The following TTC39C variants were observed in gnomAD, a reference collection of about 807,000 sequenced individuals.
The protein encoded by TTC39C is tetratricopeptide repeat protein 39C.
A neutral mutation model predicts 76.3 loss-of-function variants in TTC39C; 33 were observed. The observed-to-expected ratio is 0.43, with a 90% confidence interval of 0.33 to 0.58. The LOEUF (loss-of-function observed/expected upper bound fraction) is 0.58. Among genes scored for constraint, TTC39C ranks in the 20% least tolerant of loss-of-function variants. The pLI, the probability that TTC39C is intolerant of heterozygous loss-of-function variation, is 0.04. For synonymous variants in TTC39C, 254 were observed against 260.6 expected, an observed-to-expected ratio of 0.97 and a Z score of 0.24; for missense variants, 595 against 701.4, an observed-to-expected ratio of 0.85 and a Z score of 1.71.
At chr18:24,098,093 C>T (rs184911296) in intron 6 of TTC39C, among the ~76,000 whole-genome samples, 6 of 152,104 alleles carry the variant, frequency 3.9e-5, no homozygotes, top group Admixed American at 3.9e-4. Context: ...TCCACTTGTT[C>T]TCTCACATAT....
intron 1 of TTC39C, chr18:23,994,609 C>T (rs2083245889): frequency 6.6e-6 from 1 of 152,196 alleles, no homozygotes; most frequent in Non-Finnish European, 1.5e-5. Flanking sequence ...TTAGGTATTA[C>T]CAGTTGGCCC....
chr18:24,064,278 A>T lies in TTC39C; in HGVS notation c.216+90A>T, dbSNP rs2298596. On this transcript the variant is annotated intron_variant, in intron 2 of 13. Coordinates refer to ENST00000317571, the MANE Select transcript of TTC39C (RefSeq NM_001135993.2). Reference sequence around the variant, plus strand: ...TGGCTACCAGTTGTATAGATACACTATTGTAGAAAGTCTTTTAGAGTTTAA... The same window carrying T: ...TGGCTACCAGTTGTATAGATACACTTTTGTAGAAAGTCTTTTAGAGTTTAA... 20,442 of 1,443,922 alleles carry T rather than the reference A, an allele frequency of 0.014. 1,004 individuals are homozygous for T. In the East Asian group the frequency reaches 0.19, roughly 13 times the overall value. The allele number at this position is 1,443,922 out of a possible 1,614,324, so 89.4% of individuals were successfully genotyped here.
At chr18:24,044,821 T>A (rs760319077) in intron 1 of TTC39C, among the ~76,000 whole-genome samples, 2 of 152,220 alleles carry the variant, frequency 1.3e-5, no homozygotes, top group Non-Finnish European at 2.9e-5. Flanking sequence ...GAAAGATTTA[T>A]GTCATTTTAG....
rs374784786 is a variant in TTC39C at position 24,048,372 on chromosome 18, G to A, written c.168-15768G>A. Among the ~76,000 whole-genome samples, 32 of 152,286 alleles carry A rather than the reference G, an allele frequency of 2.1e-4. 1 individual carries two copies. In the East Asian group the frequency reaches 5.0e-3, roughly 24 times the overall value. ...GGACTCGTGAGAATGAACTGATTTT[G>A]TTAAAATTTAAATTTTAAATACCCT... On this transcript the variant is annotated intron_variant, in intron 1 of 13. Coordinates refer to ENST00000317571, the MANE Select transcript of TTC39C (RefSeq NM_001135993.2).
intron 1 of TTC39C, among the ~76,000 whole-genome samples, chr18:24,052,985 T>C (rs541751683): frequency 6.6e-6 from 1 of 152,188 alleles, no homozygotes; most frequent in Non-Finnish European, 1.5e-5. Context: ...TATTTTATAA[T>C]CTGATTTGTA....
intron 6 of TTC39C, among the ~76,000 whole-genome samples, chr18:24,102,387 A>G (rs1188807659): frequency 6.6e-6 from 1 of 152,264 alleles, no homozygotes; most frequent in African/African-American, 2.4e-5. Flanking sequence ...TACATAATCA[A>G]GTATTTATTG....
chr18:24,031,745 C>T (rs1384082992), intron 1 of TTC39C, among the ~76,000 whole-genome samples: 1 of 152,116 alleles, frequency 6.6e-6, no homozygotes, highest in African/African-American at 2.4e-5. Flanking sequence ...TTGCATGCCT[C>T]GCCACTAAAA....
In TTC39C at chr18:24,082,895, C is replaced by T; in HGVS notation, c.816-18C>T. 6.4e-7 allele frequency: 1 copy of T among 1,560,758 alleles called. No homozygotes were observed. The highest frequency in any genetic ancestry group is 8.7e-7 in the Non-Finnish European group (1 of 1,150,012). Reference sequence around the variant, plus strand: ...AGGAAAGTTAATGTGCTCAATGTTTCTCTCCCTCTTCCTCTAGATTAGCTC... The same window carrying T: ...AGGAAAGTTAATGTGCTCAATGTTTTTCTCCCTCTTCCTCTAGATTAGCTC... On this transcript the variant is annotated intron_variant, in intron 5 of 13. Transcript: ENST00000317571.
intron 6 of TTC39C, chr18:24,113,348 G>C (rs1297674816): frequency 3.7e-6 from 2 of 543,938 alleles, no homozygotes; most frequent in Non-Finnish European, 6.5e-6. Context: ...GCCTCCTGCA[G>C]TGACGTGCTG....
rs1224338571 is a variant in TTC39C at position 24,090,475 on chromosome 18, A to G, written c.984+7394A>G. Among the ~76,000 whole-genome samples, 7 of 152,312 alleles carry G rather than the reference A, an allele frequency of 4.6e-5. No homozygotes were observed. The South Asian group carries it at 1.0e-3, about 23-fold the overall frequency. On this transcript the variant is annotated intron_variant, in intron 6 of 13. Transcript: ENST00000317571. Reference sequence around the variant, plus strand: ...TAAAAATACTGCTGAAAAGATATCCATGTTTTGTATCAGAACTCTCAGTAT... The same window carrying G: ...TAAAAATACTGCTGAAAAGATATCCGTGTTTTGTATCAGAACTCTCAGTAT...
intron 1 of TTC39C, among the ~76,000 whole-genome samples, chr18:23,998,171 T>G (rs1431190638): frequency 6.6e-6 from 1 of 152,186 alleles, no homozygotes; most frequent in Non-Finnish European, 1.5e-5. Context: ...ATGAGGGAGC[T>G]GAGGTTCAGA....
intron 1 of TTC39C, among the ~76,000 whole-genome samples, chr18:24,037,552 G>A (rs776047676): frequency 2.0e-5 from 3 of 152,218 alleles, no homozygotes; most frequent in African/African-American, 4.8e-5. Flanking sequence ...TTGGAGAGTA[G>A]CGTTGCAGAG....
At chr18:24,064,040 A>AAGGATTAT in intron 1 of TTC39C, 100 bp from the exon 2 acceptor site, 2 of 1,478,910 alleles carry the variant, frequency 1.4e-6, no homozygotes, top group Non-Finnish European at 1.8e-6. Context: ...ATTCAATTAG[A>AAGGATTAT]AGGATTATAT....
chr18:24,081,992 T>C (rs939694593), intron 5 of TTC39C, among the ~76,000 whole-genome samples: 11 of 151,766 alleles, frequency 7.2e-5, no homozygotes, highest in African/African-American at 2.7e-4. Flanking sequence ...GACATGTTGG[T>C]TAAACATTTT....
At chr18:24,113,132 C>A (rs2084837811) in intron 6 of TTC39C, among the ~76,000 whole-genome samples, 1 of 152,216 alleles carries the variant, frequency 6.6e-6, no homozygotes, top group Non-Finnish European at 1.5e-5. Flanking sequence ...CTGTGGCTAC[C>A]TGGTCAGCAT....
At chr18:24,021,411 A>C (rs1441959819) in intron 1 of TTC39C, among the ~76,000 whole-genome samples, 1 of 152,204 alleles carries the variant, frequency 6.6e-6, no homozygotes, top group African/African-American at 2.4e-5. Context: ...CCAGTTTCTG[A>C]ACAAGTGACT....
rs371036804 is a variant in TTC39C at position 24,092,854 on chromosome 18, G to A, written c.984+9773G>A. Among the ~76,000 whole-genome samples the A allele has an allele frequency of 3.5e-4, 54 of 152,254 alleles. 1 individual carries two copies. In the South Asian group the frequency reaches 0.011, roughly 30 times the overall value. On this transcript the variant is annotated intron_variant, in intron 6 of 13. Transcript: ENST00000317571. ...AATCTCAGCACTTTGGGAAGCTGAG[G>A]TGAGTGGACCAGTTGAGCCCAGAAG...
At chr18:24,034,280 A>G (rs899662811) in intron 1 of TTC39C, among the ~76,000 whole-genome samples, 1 of 152,258 alleles carries the variant, frequency 6.6e-6, no homozygotes, top group Non-Finnish European at 1.5e-5. Flanking sequence ...CGTACTTTAC[A>G]TCATACATTA....
chr18:24,122,067 C>G (rs1467553187), intron 8 of TTC39C, among the ~76,000 whole-genome samples: 1 of 152,200 alleles, frequency 6.6e-6, no homozygotes, highest in East Asian at 1.9e-4. Flanking sequence ...TTCCCATTGT[C>G]TTTGCATCCT....
Sources: gnomAD v4.1 joint callset for allele counts (sites outside exome capture counted in the v4.1 genomes callset) on GRCh38, gnomAD v4.1.1 for gene constraint, MANE v1.5 for transcripts, NCBI Gene and HGNC (gene_info 2026-07-23, HGNC 2026-07-21) for gene names.